The following RORA variants were observed in gnomAD, a reference collection of about 807,000 sequenced individuals.
The protein encoded by RORA is nuclear receptor ROR-alpha.
Under a neutral mutation model 69.5 loss-of-function variants are expected in RORA, and 7 were observed. The observed-to-expected ratio is 0.10, with a 90% CI of 0.06 to 0.19. The LOEUF is 0.19. RORA is among the 10% of genes least tolerant of loss of function. The pLI is 1.00. For missense variants in RORA, 457 were observed against 663.0 expected (o/e 0.69, Z 3.41); for synonymous variants, 261 against 240.8 (o/e 1.08, Z -0.78).
intron 2 of RORA, among the ~76,000 whole-genome samples, chr15:60,605,310 T>G (rs2068919621): frequency 6.6e-6 from 1 of 152,192 alleles, no homozygotes; most frequent in African/African-American, 2.4e-5. Context: ...TTTTTTTTCT[T>G]TCAAACACTC....
At chr15:61,007,629 T>C (rs1456399810) in intron 1 of RORA, among the ~76,000 whole-genome samples, 2 of 151,320 alleles carry the variant, frequency 1.3e-5, no homozygotes, top group Non-Finnish European at 3.0e-5. Flanking sequence ...TATTTACACA[T>C]ATTTTTATTA....
intron 2 of RORA, among the ~76,000 whole-genome samples, chr15:60,533,204 G>C (rs2066578688): frequency 6.6e-6 from 1 of 152,222 alleles, no homozygotes; most frequent in Admixed American, 6.5e-5. Flanking sequence ...CTTTTAGGGA[G>C]TGCAAGCTAT....
At chr15:61,140,212 C>G (rs1009822049) in intron 1 of RORA, among the ~76,000 whole-genome samples, 5 of 152,190 alleles carry the variant, frequency 3.3e-5, no homozygotes, top group African/African-American at 1.2e-4. Context: ...TCTGTCTTCA[C>G]TCGCCTTATG....
At chr15:61,142,774 G>A (rs907256657) in intron 1 of RORA, among the ~76,000 whole-genome samples, 5 of 151,994 alleles carry the variant, frequency 3.3e-5, no homozygotes, top group African/African-American at 7.3e-5. Flanking sequence ...TCATCTTCAC[G>A]GGTGCTAAAA....
At chr15:60,921,549 G>A (rs989870234) in intron 1 of RORA, among the ~76,000 whole-genome samples, 2 of 152,208 alleles carry the variant, frequency 1.3e-5, no homozygotes, top group African/African-American at 4.8e-5. Context: ...AAGGTCATGA[G>A]GTGGTTTTGG....
chr15:60,743,359 C>A (rs1401893633), intron 1 of RORA, among the ~76,000 whole-genome samples: 1 of 152,114 alleles, frequency 6.6e-6, no homozygotes, highest in Admixed American at 6.5e-5. Context: ...ATGATGCTGG[C>A]AAAAATTAAA....
At chr15:60,528,317 A>C (rs2066426588) in intron 3 of RORA, 1 of 152,258 alleles carries the variant, frequency 6.6e-6, no homozygotes, top group Non-Finnish European at 1.5e-5. Context: ...CTCTCAGCTC[A>C]GCCTCCCAAA....
At chr15:60,560,981 C>T (rs951512225) in intron 2 of RORA, among the ~76,000 whole-genome samples, 10 of 151,756 alleles carry the variant, frequency 6.6e-5, no homozygotes, top group African/African-American at 2.4e-4. Flanking sequence ...ATCTGTACTC[C>T]CACATGAGCA....
chr15:60,957,481 G>GT (rs1205538027), intron 1 of RORA, among the ~76,000 whole-genome samples: 9 of 152,352 alleles, frequency 5.9e-5, no homozygotes, highest in South Asian at 2.1e-4. Context: ...CAATGCAACA[G>GT]TGAGGCCTAA....
intron 1 of RORA, among the ~76,000 whole-genome samples, chr15:61,159,959 C>T (rs1335387957): frequency 6.6e-6 from 1 of 152,142 alleles, no homozygotes; most frequent in Non-Finnish European, 1.5e-5. Context: ...GAAAATCAAA[C>T]GATTGGGTAG....
intron 1 of RORA, among the ~76,000 whole-genome samples, chr15:61,097,637 A>T (rs2078810645): frequency 6.6e-6 from 1 of 152,176 alleles, no homozygotes; most frequent in African/African-American, 2.4e-5. Flanking sequence ...AAAGTTCTCA[A>T]GTACAGTACA....
At chr15:60,940,752 C>G (rs767137042) in intron 1 of RORA, among the ~76,000 whole-genome samples, 7 of 152,100 alleles carry the variant, frequency 4.6e-5, no homozygotes, top group Non-Finnish European at 7.4e-5. Flanking sequence ...ATGGTGAAAC[C>G]CTGTCTCTAC....
Position 61,124,648 on chromosome 15 carries a change from A to AT in RORA, c.166+104404dup, listed in dbSNP as rs569803030. 1.9e-3 allele frequency among the ~76,000 whole-genome samples: 286 copies of AT among 152,290 alleles called. 2 individuals carry two copies. Among genetic ancestry groups the AT allele is most frequent in the African/African-American group, 6.7e-3 (277 of 41,558 alleles). On this transcript the variant is annotated intron_variant, in intron 1 of 10. Coordinates refer to ENST00000335670, the MANE Select transcript of RORA (RefSeq NM_134261.3). Reference sequence around the variant, plus strand: ...AATCTTGTTTTATTTTTTTCCCAGCATAACTTTTCCTCAATTCCTTTGCTT... The same window carrying AT: ...AATCTTGTTTTATTTTTTTCCCAGCATTAACTTTTCCTCAATTCCTTTGCTT...
intron 3 of RORA, among the ~76,000 whole-genome samples, chr15:60,523,053 A>C (rs1431680634): frequency 6.6e-6 from 1 of 151,686 alleles, no homozygotes; most frequent in Non-Finnish European, 1.5e-5. Context: ...AAAAACACAA[A>C]AAAAAAAACT....
At chr15:60,649,524 C>G (rs1436031662) in intron 2 of RORA, among the ~76,000 whole-genome samples, 2 of 152,328 alleles carry the variant, frequency 1.3e-5, no homozygotes, top group Admixed American at 6.5e-5. Flanking sequence ...TCAGAACATT[C>G]TGTGTTAGGA....
At chr15:60,630,005 G>A (rs1407409700) in intron 2 of RORA, among the ~76,000 whole-genome samples, 1 of 152,188 alleles carries the variant, frequency 6.6e-6, no homozygotes, top group African/African-American at 2.4e-5. Flanking sequence ...GAATACTTCT[G>A]AATGACAAAG....
intron 2 of RORA, among the ~76,000 whole-genome samples, chr15:60,535,660 A>G (rs1444437576): frequency 6.6e-6 from 1 of 152,212 alleles, no homozygotes; most frequent in African/African-American, 2.4e-5. Flanking sequence ...AGGAGATAAC[A>G]TGGTCCAGAG....
At chr15:61,088,548 T>G (rs2078658456) in intron 1 of RORA, among the ~76,000 whole-genome samples, 1 of 152,138 alleles carries the variant, frequency 6.6e-6, no homozygotes, top group South Asian at 2.1e-4. Flanking sequence ...AGGCAGATCT[T>G]GATTCAAATT....
At chr15:61,004,982 T>A (rs1260432167) in intron 1 of RORA, among the ~76,000 whole-genome samples, 1 of 152,200 alleles carries the variant, frequency 6.6e-6, no homozygotes, top group African/African-American at 2.4e-5. Context: ...TTTCTGGAGT[T>A]AAATTAGGCA....
Sources: allele counts gnomAD v4.1 joint callset (sites outside exome capture counted in the v4.1 genomes callset), GRCh38; gene constraint gnomAD v4.1.1; transcripts MANE v1.5; gene names NCBI Gene and HGNC (gene_info 2026-07-23, HGNC 2026-07-21).